The following KIF3B variants were observed in gnomAD, a reference collection of about 807,000 sequenced individuals.
KIF3B encodes kinesin family member 3B.
A neutral mutation model predicts 74.3 loss-of-function variants in KIF3B; 38 were observed. The observed-to-expected ratio is 0.51, with a 90% confidence interval of 0.39 to 0.67. The LOEUF is 0.67. Ranked by LOEUF, KIF3B falls within the 30% of genes least tolerant of loss-of-function variation. The pLI, the probability that KIF3B is intolerant of heterozygous loss-of-function variation, is 0.00. For synonymous variants in KIF3B, 326 were observed against 342.5 expected (o/e 0.95, Z 0.53); for missense variants, 649 against 932.0 (o/e 0.70, Z 3.95).
chr20:32,303,712 A>G (rs907993028), intron 1 of KIF3B, among the ~76,000 whole-genome samples: 9 of 149,108 alleles, frequency 6.0e-5, no homozygotes, highest in Admixed American at 5.4e-4. Flanking sequence ...AAAATTAACC[A>G]TGTGTGTTGG....
chr20:32,307,246 A>G (rs1158775574), intron 1 of KIF3B, among the ~76,000 whole-genome samples: 2 of 152,164 alleles, frequency 1.3e-5, no homozygotes, highest in African/African-American at 4.8e-5. Context: ...CATAATTTAC[A>G]TTAAGGTTCA....
In KIF3B at chr20:32,309,959, C is replaced by T. The variant is rs2047791297; in HGVS notation, c.182C>T (p.Ala61Val). The T allele has an allele frequency of 1.2e-6, 2 of 1,614,110 alleles. No individual in the cohort carries two copies. The highest frequency in any genetic ancestry group is 1.7e-6 in the Non-Finnish European group (2 of 1,180,022). The change falls in exon 2 of 9, where the codon GCC (alanine) becomes GTC (valine). Residue 61 changes from alanine (A) to valine (V), a missense_variant. This residue lies in a region of KIF3B where 96 missense variants were observed against 119.0 expected (regional missense o/e 0.81). Coordinates refer to ENST00000375712, the MANE Select transcript of KIF3B (RefSeq NM_004798.4). ...ATGCCCAAGACCTTCACCTTTGATGCCGTCTATGACTGGAATGCCAAGCAG... is the reference window on the plus strand; with the variant it reads ...ATGCCCAAGACCTTCACCTTTGATGTCGTCTATGACTGGAATGCCAAGCAG... ...HEMPKTFTFD[A>V]VYDWNAKQFE...
chr20:32,295,203 C>T (rs2047710882), intron 1 of KIF3B, among the ~76,000 whole-genome samples: 1 of 151,986 alleles, frequency 6.6e-6, no homozygotes, highest in South Asian at 2.1e-4. Context: ...TGCTGTGGCT[C>T]TTATATGTTC....
chr20:32,286,993 A>G (rs923417822), intron 1 of KIF3B, among the ~76,000 whole-genome samples: 2 of 152,184 alleles, frequency 1.3e-5, no homozygotes, highest in African/African-American at 2.4e-5. Context: ...CAGAATTACA[A>G]TTTGGTTGGG....
chr20:32,308,681 G>T (rs1383704786), intron 1 of KIF3B, among the ~76,000 whole-genome samples: 1 of 151,696 alleles, frequency 6.6e-6, no homozygotes, highest in African/African-American at 2.4e-5. Flanking sequence ...AAAGTGCTGG[G>T]ATTACAGGCG....
chr20:32,286,640 T>C (rs1457844789), intron 1 of KIF3B, among the ~76,000 whole-genome samples: 1 of 152,188 alleles, frequency 6.6e-6, no homozygotes, highest in Non-Finnish European at 1.5e-5. Flanking sequence ...ACTGAACAGA[T>C]TAAATAAGGC....
intron 1 of KIF3B, among the ~76,000 whole-genome samples, chr20:32,279,133 G>T (rs59859452): frequency 2.6e-5 from 4 of 151,994 alleles, no homozygotes; most frequent in Non-Finnish European, 5.9e-5. Flanking sequence ...ATGTTGGCCT[G>T]GCTGGTCTCG....
intron 1 of KIF3B, among the ~76,000 whole-genome samples, chr20:32,291,607 T>A (rs531005840): frequency 7.0e-6 from 1 of 142,706 alleles, no homozygotes; most frequent in Non-Finnish European, 1.5e-5. Context: ...TTTCCTTGAT[T>A]GTCTTATACA....
chr20:32,319,330 T>G (rs887741650), intron 5 of KIF3B, among the ~76,000 whole-genome samples: 7 of 151,718 alleles, frequency 4.6e-5, no homozygotes, highest in Non-Finnish European at 7.4e-5. Flanking sequence ...GAGTGTGAAA[T>G]GGTACTTCAT....
At position 32,277,658 on chromosome 20, in the gene KIF3B, C is replaced by T. The variant is rs906982381; in HGVS notation, c.-173C>T. 1.7e-5 allele frequency: 4 copies of T among 232,294 alleles called. No individual in the cohort carries two copies. Among genetic ancestry groups the T allele is most frequent in the Non-Finnish European group, 3.2e-5 (4 of 124,328 alleles). 14.4% of individuals were successfully genotyped at this position (232,294 alleles called of 1,614,324 possible). On this transcript the variant is annotated 5_prime_UTR_variant, in exon 1 of 9. Transcript: ENST00000375712. ...CTAAGGAAGTGAGCGGCCACTGTCTCTCCCCATCCGGGGCAGCGGGGAATG... is the reference window on the plus strand; with the variant it reads ...CTAAGGAAGTGAGCGGCCACTGTCTTTCCCCATCCGGGGCAGCGGGGAATG...
At chr20:32,317,565 A>G (rs564347943) in intron 5 of KIF3B, among the ~76,000 whole-genome samples, 2 of 152,248 alleles carry the variant, frequency 1.3e-5, no homozygotes, top group South Asian at 4.1e-4. Context: ...CTTTCACAAA[A>G]ATATTTTAAA....
At chr20:32,318,962 C>CTT (rs761729656) in intron 5 of KIF3B, among the ~76,000 whole-genome samples, 25 of 142,938 alleles carry the variant, frequency 1.7e-4, no homozygotes, top group South Asian at 9.0e-4. Flanking sequence ...TCCACATCTT[C>CTT]TTTTTTTTTT....
At chr20:32,278,623 G>A (rs1399481584) in intron 1 of KIF3B, among the ~76,000 whole-genome samples, 1 of 152,100 alleles carries the variant, frequency 6.6e-6, no homozygotes, top group Admixed American at 6.6e-5. Context: ...ACTTCTACAA[G>A]TAGTCCTGGG....
rs186170688 is a variant in KIF3B, at chr20:32,303,455, C to T, written c.-65-6258C>T. The stretch of plus-strand genomic sequence containing the variant: ...TGGCGGGTGCTTGTGATCCCAGCTA[C>T]TTGGGAGGCTGAGGCAGGAGAATTG... On this transcript the variant is annotated intron_variant, in intron 1 of 8. Coordinates refer to ENST00000375712, the MANE Select transcript of KIF3B (RefSeq NM_004798.4). 1.3e-4 allele frequency among the ~76,000 whole-genome samples: 19 copies of T among 151,910 alleles called. No homozygotes were observed. The East Asian group carries it at 3.7e-3, about 29-fold the overall frequency.
intron 1 of KIF3B, among the ~76,000 whole-genome samples, chr20:32,283,704 G>A (rs947921575): frequency 1.3e-5 from 2 of 152,030 alleles, no homozygotes; most frequent in East Asian, 3.9e-4. Flanking sequence ...CAGCTACTTC[G>A]GAGGCTGAGG....
intron 2 of KIF3B, among the ~76,000 whole-genome samples, chr20:32,312,221 C>T (rs887649062): frequency 1.3e-5 from 2 of 151,646 alleles, no homozygotes; most frequent in Non-Finnish European, 2.9e-5. Context: ...CCTCCCACCT[C>T]AGCCTCCCAA....
chr20:32,325,641 C>CTTTATTA (rs2047898801), intron 5 of KIF3B, among the ~76,000 whole-genome samples: 2 of 108,058 alleles, frequency 1.9e-5, no homozygotes, highest in Non-Finnish European at 3.7e-5. Context: ...TCATTATTAT[C>CTTTATTA]TCTCTCTCTC....
In KIF3B at chr20:32,277,711, C is replaced by T. The variant is rs940611807; in HGVS notation, c.-120C>T. On this transcript the variant is annotated 5_prime_UTR_variant, in exon 1 of 9. Coordinates refer to ENST00000375712, the MANE Select transcript of KIF3B (RefSeq NM_004798.4). ...TGAGCCAGGGGTTCGCCGCCCCCGC[C>T]GCCGCCGCCGCCGCCGCCGCCGCCG... 2.3e-5 allele frequency: 6 copies of T among 259,060 alleles called. No individual in the cohort carries two copies. The highest frequency in any genetic ancestry group is 1.4e-4 in the African/African-American group (6 of 42,970). 16.0% of individuals were successfully genotyped at this position (259,060 alleles called of 1,614,324 possible).
intron 2 of KIF3B, among the ~76,000 whole-genome samples, chr20:32,311,887 C>T (rs2122694279): frequency 6.7e-6 from 1 of 150,026 alleles, no homozygotes; most frequent in Non-Finnish European, 1.5e-5. Flanking sequence ...ACTGCAACGT[C>T]TGCCATCCGG....
Sources: gnomAD v4.1 joint callset for allele counts (sites outside exome capture counted in the v4.1 genomes callset) on GRCh38, gnomAD v4.1.1 for gene constraint, gnomAD v4.1.1 regional missense constraint, MANE v1.5 for transcripts, NCBI Gene and HGNC (gene_info 2026-07-23, HGNC 2026-07-21) for gene names.